SV2C: variants seen among roughly 807,000 people sequenced by gnomAD.
SV2C encodes the protein solute carrier family 22 member B3.
Under a neutral mutation model 79.7 loss-of-function variants are expected in SV2C, and 49 were observed. The observed-to-expected ratio is 0.61, with a 90% CI of 0.49 to 0.78. The LOEUF (loss-of-function observed/expected upper bound fraction) is 0.78, where lower values mean the gene tolerates loss of function less well. Among genes scored for constraint, SV2C ranks in the 30% least tolerant of loss-of-function variants. The probability of loss-of-function intolerance (pLI) is 0.00; values close to 1 mark genes in which losing one functional copy is unlikely to be tolerated. For synonymous variants in SV2C, 334 were observed against 333.2 expected, an observed-to-expected ratio of 1.00 and a Z score of -0.03; for missense variants, 833 against 912.9, an observed-to-expected ratio of 0.91 and a Z score of 1.13.
chr5:76,251,663 C>T (rs907459833), intron 4 of SV2C, among the ~76,000 whole-genome samples: 1 of 152,172 alleles, frequency 6.6e-6, no homozygotes, highest in African/African-American at 2.4e-5. Context: ...TCTAACACAA[C>T]CCCAGGTGAT....
At chr5:76,103,764 T>C (rs1211734206) in intron 1 of SV2C, among the ~76,000 whole-genome samples, 2 of 152,246 alleles carry the variant, frequency 1.3e-5, no homozygotes, top group African/African-American at 4.8e-5. Context: ...TTAAGGTGTT[T>C]TCTGATGAAT....
the SV2C span, among the ~76,000 whole-genome samples, chr5:75,940,981 G>A: frequency 2.0e-5 from 3 of 152,128 alleles, no homozygotes; most frequent in African/African-American, 4.8e-5. Flanking sequence ...GTGAATTAAG[G>A]GAAATAATTT....
intron 1 of SV2C, among the ~76,000 whole-genome samples, chr5:76,118,195 C>T (rs1400408226): frequency 6.6e-6 from 1 of 152,170 alleles, no homozygotes; most frequent in African/African-American, 2.4e-5. Flanking sequence ...CTGGGGACTC[C>T]AGGTGCTCCT....
chr5:76,011,835 C>T, the SV2C span, among the ~76,000 whole-genome samples: 1 of 152,102 alleles, frequency 6.6e-6, no homozygotes, highest in African/African-American at 2.4e-5. Context: ...TGTTCAGCTC[C>T]CACTTATGAG....
chr5:76,147,266 T>C (rs555850382), intron 2 of SV2C, among the ~76,000 whole-genome samples: 1 of 152,200 alleles, frequency 6.6e-6, no homozygotes, highest in South Asian at 2.1e-4. Context: ...AGAAGTCCTT[T>C]TGGAGGTGAG....
chr5:76,051,513 A>G, the SV2C span, among the ~76,000 whole-genome samples: 1 of 152,236 alleles, frequency 6.6e-6, no homozygotes, highest in African/African-American at 2.4e-5. Flanking sequence ...AAAACCACTC[A>G]AAATTAGAAG....
rs116559979 is a variant in SV2C at position 76,346,626 on chromosome 5, G to A, written c.2001-6504G>A. ...TTTTACACTCACTTTGATCTCTTAG[G>A]AAAGAGATTAATGCATGTATATATT... is the stretch of plus-strand genomic sequence containing the variant. On this transcript the variant is annotated intron_variant, in intron 12 of 12. Transcript: ENST00000322285. Among the ~76,000 whole-genome samples, 1,397 of 152,332 alleles carry A rather than the reference G, an allele frequency of 9.2e-3. 18 individuals carry two copies. Among genetic ancestry groups the A allele is most frequent in the African/African-American group, 0.032 (1,320 of 41,576 alleles).
At chr5:75,904,304 G>A in the SV2C span, among the ~76,000 whole-genome samples, 2 of 151,888 alleles carry the variant, frequency 1.3e-5, no homozygotes, top group Non-Finnish European at 2.9e-5. Flanking sequence ...ACTGAATGGG[G>A]GCTCTTAAGA....
chr5:76,112,222 T>C (rs571045641), intron 1 of SV2C, among the ~76,000 whole-genome samples: 1 of 152,256 alleles, frequency 6.6e-6, no homozygotes, highest in South Asian at 2.1e-4. Context: ...TGAGAGATGA[T>C]AAGAAAAATG....
chr5:76,131,308 A>G (rs771789594), intron 1 of SV2C, among the ~76,000 whole-genome samples: 7 of 152,260 alleles, frequency 4.6e-5, no homozygotes, highest in South Asian at 2.1e-4. Flanking sequence ...ATATGCTTGT[A>G]GCATTTCAAA....
the SV2C span, among the ~76,000 whole-genome samples, chr5:76,074,470 G>C: frequency 6.6e-6 from 1 of 152,178 alleles, no homozygotes; most frequent in East Asian, 1.9e-4. Flanking sequence ...ACAACATAGA[G>C]AGATTCAGTT....
chr5:76,050,992 T>C, the SV2C span, among the ~76,000 whole-genome samples: 1 of 152,294 alleles, frequency 6.6e-6, no homozygotes, highest in Admixed American at 6.5e-5. Context: ...TATGAAAATT[T>C]AAAATGTTTG....
the SV2C span, among the ~76,000 whole-genome samples, chr5:76,010,644 TTCTAAC>T: frequency 6.6e-5 from 10 of 152,270 alleles, no homozygotes; most frequent in South Asian, 1.7e-3. Context: ...TTAAAATTAC[TTCTAAC>T]TCTAACATTA....
chr5:76,159,608 C>G (rs1742839522), intron 2 of SV2C, among the ~76,000 whole-genome samples: 1 of 152,072 alleles, frequency 6.6e-6, no homozygotes, highest in Non-Finnish European at 1.5e-5. Context: ...TATTTGTTGG[C>G]TTTTCCTGGT....
chr5:76,155,284 C>T lies in SV2C; in HGVS notation c.580+22954C>T, dbSNP rs1453507638. 2.0e-5 allele frequency among the ~76,000 whole-genome samples: 3 copies of T among 152,198 alleles called. No homozygotes were observed. The East Asian group carries it at 5.8e-4, about 29-fold the overall frequency. ...ATTTTCCTTTCACCAGGCATATGGG[C>T]ATTCAGCAAATTAAGAAATACTTAT... On this transcript the variant is annotated intron_variant, in intron 2 of 12. Coordinates refer to ENST00000502798, the MANE Select transcript of SV2C (RefSeq NM_014979.4).
chr5:75,941,091 G>T, the SV2C span, among the ~76,000 whole-genome samples: 3 of 152,152 alleles, frequency 2.0e-5, no homozygotes, highest in Admixed American at 1.3e-4. Context: ...CTTCATGAAT[G>T]ATCATTCTGT....
chr5:75,934,185 G>A, the SV2C span, among the ~76,000 whole-genome samples: 2 of 151,990 alleles, frequency 1.3e-5, no homozygotes, highest in African/African-American at 4.8e-5. Flanking sequence ...CAGGAGCAAT[G>A]AGCACCTTAA....
At chr5:76,272,775 T>C (rs1746910893) in intron 4 of SV2C, among the ~76,000 whole-genome samples, 1 of 152,218 alleles carries the variant, frequency 6.6e-6, no homozygotes, top group Non-Finnish European at 1.5e-5. Flanking sequence ...TTCTACCCAA[T>C]GTAAGAATTG....
At chr5:76,318,094 G>A (rs1748697229) in intron 12 of SV2C, among the ~76,000 whole-genome samples, 1 of 152,128 alleles carries the variant, frequency 6.6e-6, no homozygotes, top group African/African-American at 2.4e-5. Context: ...CCAGAATGGA[G>A]CCAGTAGTTT....
Sources: allele counts gnomAD v4.1 joint callset (sites outside exome capture counted in the v4.1 genomes callset), GRCh38; gene constraint gnomAD v4.1.1; transcripts MANE v1.5; gene names NCBI Gene and HGNC (gene_info 2026-07-23, HGNC 2026-07-21).